Variants in PRR5L observed in about 807,000 individuals in gnomAD.
PRR5L encodes proline rich 5 like.
Under a neutral mutation model 36.4 loss-of-function variants are expected in PRR5L, and 21 were observed. The observed-to-expected ratio is 0.58, with a 90% CI of 0.41 to 0.83. PRR5L has a LOEUF of 0.83. Among genes scored for constraint, PRR5L ranks in the 40% least tolerant of loss-of-function variants. The probability of loss-of-function intolerance (pLI) is 0.00; values close to 1 mark genes in which losing one functional copy is unlikely to be tolerated. For missense variants in PRR5L, 381 were observed against 473.3 expected (o/e 0.80, Z 1.81); for synonymous variants, 188 against 197.0 (o/e 0.95, Z 0.38).
At chr11:36,459,527 G>A (rs960647059) in intron 8 of PRR5L, among the ~76,000 whole-genome samples, 1 of 152,146 alleles carries the variant, frequency 6.6e-6, no homozygotes, top group Non-Finnish European at 1.5e-5. Context: ...CCCGGTTTTT[G>A]GAGGCTGCCA....
chr11:36,298,071 T>C (rs1481965002), intron 1 of PRR5L, among the ~76,000 whole-genome samples: 2 of 152,196 alleles, frequency 1.3e-5, no homozygotes, highest in Non-Finnish European at 2.9e-5. Context: ...TTTGGGGATC[T>C]CTGAGTTGCT....
chr11:36,462,829 T>C lies in PRR5L; in HGVS notation c.*93T>C. 2 of 1,200,974 alleles carry C rather than the reference T, an allele frequency of 1.7e-6. No homozygotes were observed. The highest frequency in any genetic ancestry group is 1.5e-5 in the African/African-American group (1 of 65,974). 74.4% of individuals were successfully genotyped at this position (1,200,974 alleles called of 1,614,324 possible). Reference sequence around the variant, plus strand: ...ATTACTGAGGGGGGCTCTTGCTTTATGCGATGCTGCCTTATTTCCTTTAGG... The same window carrying C: ...ATTACTGAGGGGGGCTCTTGCTTTACGCGATGCTGCCTTATTTCCTTTAGG... On this transcript the variant is annotated 3_prime_UTR_variant, in exon 9 of 9. Coordinates refer to ENST00000530639, the MANE Select transcript of PRR5L (RefSeq NM_001160167.2).
In PRR5L at chr11:36,463,543, C is replaced by T. The variant is rs1282723350; in HGVS notation, c.*807C>T. On this transcript the variant is annotated 3_prime_UTR_variant, in exon 9 of 9. Coordinates refer to ENST00000530639, the MANE Select transcript of PRR5L (RefSeq NM_001160167.2). ...TCATTTCAGAAACGGACTTTCTCAT[C>T]ATGCTTTCCTATGGTGGGTATGAGG... 6.6e-6 allele frequency: 1 copy of T among 152,562 alleles called. No individual in the cohort carries two copies. The highest frequency in any genetic ancestry group is 6.5e-5 in the Admixed American group (1 of 15,272). The allele number at this position is 152,562 out of a possible 1,614,324, so 9.5% of individuals were successfully genotyped here.
intron 1 of PRR5L, among the ~76,000 whole-genome samples, chr11:36,391,882 C>G (rs1419471039): frequency 6.6e-6 from 1 of 152,168 alleles, no homozygotes; most frequent in African/African-American, 2.4e-5. Flanking sequence ...TGTAGTCACC[C>G]TATTGTGCTA....
chr11:36,437,683 C>T (rs1858633713), intron 6 of PRR5L, among the ~76,000 whole-genome samples: 1 of 152,184 alleles, frequency 6.6e-6, no homozygotes, highest in Admixed American at 6.5e-5. Context: ...GCATAACTAG[C>T]AATTTGTAGG....
chr11:36,296,349 A>G lies in PRR5L; in HGVS notation c.-215A>G, dbSNP rs754588319. The G allele has an allele frequency of 6.6e-6, 1 of 152,038 alleles. No individual in the cohort carries two copies. Among genetic ancestry groups the G allele is most frequent in the Non-Finnish European group, 1.5e-5 (1 of 68,034 alleles). 9.4% of individuals were successfully genotyped at this position (152,038 alleles called of 1,614,324 possible). A position where few individuals can be genotyped will look rare whatever the true frequency, so the allele number is the denominator to read the frequency against. On this transcript the variant is annotated 5_prime_UTR_variant, in exon 1 of 9. Coordinates refer to ENST00000530639, the MANE Select transcript of PRR5L (RefSeq NM_001160167.2). ...GCCCAGAGATCTCTGCGCCCGTTGG[A>G]ACATCCCCTTCTCGGGAGGCTGGAA...
chr11:36,463,062 CAT>C lies in PRR5L; in HGVS notation c.*329_*330del. 1 of 257,368 alleles carries C rather than the reference CAT, an allele frequency of 3.9e-6. No homozygotes were observed. Among genetic ancestry groups the C allele is most frequent in the East Asian group, 7.4e-5 (1 of 13,526 alleles). The allele number at this position is 257,368 out of a possible 1,614,324, so 15.9% of individuals were successfully genotyped here. ...TTGGACTGCCTGATGCTCCCAATGA[CAT>C]ATCCAATGCTCCTGGCATTTCTGGA... On this transcript the variant is annotated 3_prime_UTR_variant, in exon 9 of 9. Transcript: ENST00000530639.
At chr11:36,333,845 C>T (rs1856742527) in intron 1 of PRR5L, among the ~76,000 whole-genome samples, 1 of 152,124 alleles carries the variant, frequency 6.6e-6, no homozygotes, top group African/African-American at 2.4e-5. Flanking sequence ...TCAAATTGTA[C>T]ACTTTAAATG....
intron 3 of PRR5L, 96 bp from the exon 4 acceptor site, chr11:36,419,159 C>A: frequency 8.9e-7 from 1 of 1,118,586 alleles, no homozygotes; most frequent in Non-Finnish European, 1.4e-6. Flanking sequence ...AGATCTCAGA[C>A]CTGGCCCCAC....
At chr11:36,328,035 CTCTTGAAATA>C in intron 1 of PRR5L, among the ~76,000 whole-genome samples, 1 of 152,282 alleles carries the variant, frequency 6.6e-6, no homozygotes, top group African/African-American at 2.4e-5. Flanking sequence ...CAGAATAAAT[CTCTTGAAATA>C]TGTTACAGAG....
In PRR5L at chr11:36,443,511, T is replaced by C. The variant is rs1299407044; in HGVS notation, c.445-2789T>C. On this transcript the variant is annotated intron_variant, in intron 6 of 8. Transcript: ENST00000530639. ...CTTGATATTCTTGGGAAGATAACTT[T>C]GCTTCTCTGAGCCTTGGTTTTCTTC... Among the ~76,000 whole-genome samples the C allele has an allele frequency of 2.0e-5, 3 of 152,340 alleles. No individual in the cohort carries two copies. In the South Asian group the frequency reaches 6.2e-4, roughly 32 times the overall value.
chr11:36,332,391 CAA>C (rs2133473146), intron 1 of PRR5L, among the ~76,000 whole-genome samples: 1 of 152,268 alleles, frequency 6.6e-6, no homozygotes, highest in Admixed American at 6.5e-5. Flanking sequence ...ATCTTGGGGA[CAA>C]AGAGAGCGGT....
intron 1 of PRR5L, among the ~76,000 whole-genome samples, chr11:36,390,832 G>GGGT (rs1857550024): frequency 6.6e-6 from 1 of 152,180 alleles, no homozygotes; most frequent in Non-Finnish European, 1.5e-5. Flanking sequence ...CCGCCTCACA[G>GGGT]TTGGCAGTCA....
At chr11:36,345,354 C>T (rs1856854384) in intron 1 of PRR5L, among the ~76,000 whole-genome samples, 1 of 152,072 alleles carries the variant, frequency 6.6e-6, no homozygotes, top group Non-Finnish European at 1.5e-5. Flanking sequence ...GGGCGGGTAA[C>T]CTGCCATAGG....
At chr11:36,427,450 C>A (rs982354731) in intron 4 of PRR5L, among the ~76,000 whole-genome samples, 2 of 152,070 alleles carry the variant, frequency 1.3e-5, no homozygotes, top group African/African-American at 4.8e-5. Context: ...CTTGGGTCAT[C>A]TCCAGCTCTG....
intron 3 of PRR5L, among the ~76,000 whole-genome samples, chr11:36,409,110 G>C (rs1857972763): frequency 6.6e-6 from 1 of 152,148 alleles, no homozygotes; most frequent in East Asian, 1.9e-4. Flanking sequence ...GGCATGTGGA[G>C]GATGGGCACA....
rs1201412908 is a variant in PRR5L, at chr11:36,351,728, T to TA, written c.-125-49269_-125-49268insA. ...ATATTTATTTATATATTTATATATT[T>TA]TTTATATATTTATATATAATTTATA... On this transcript the variant is annotated intron_variant, in intron 1 of 8. Transcript: ENST00000530639. Among the ~76,000 whole-genome samples, 872 of 104,662 alleles carry TA rather than the reference T, an allele frequency of 8.3e-3. 105 individuals carry two copies. Among genetic ancestry groups the TA allele is most frequent in the Non-Finnish European group, 0.011 (581 of 55,132 alleles). The allele number at this position is 104,662 out of a possible 152,430, so 68.7% of individuals were successfully genotyped here.
intron 3 of PRR5L, among the ~76,000 whole-genome samples, chr11:36,410,080 T>C (rs929847039): frequency 9.2e-5 from 14 of 152,254 alleles, no homozygotes; most frequent in Non-Finnish European, 1.2e-4. Context: ...CTTCTTGGTC[T>C]GGGTGACTCT....
chr11:36,364,224 CTT>C (rs1857122359), intron 1 of PRR5L, among the ~76,000 whole-genome samples: 1 of 152,190 alleles, frequency 6.6e-6, no homozygotes, highest in South Asian at 2.1e-4. Flanking sequence ...TGAGTTGACA[CTT>C]GTGATGTGCT....
Sources: allele counts gnomAD v4.1 joint callset (sites outside exome capture counted in the v4.1 genomes callset), GRCh38; gene constraint gnomAD v4.1.1; transcripts MANE v1.5; gene names NCBI Gene and HGNC (gene_info 2026-07-23, HGNC 2026-07-21).